Variants in GRID2 observed in about 807,000 individuals in gnomAD.
GRID2 encodes glutamate receptor ionotropic, delta-2.
A neutral mutation model predicts 114.8 loss-of-function variants in GRID2; 33 were observed. The observed-to-expected ratio is 0.29, with a 90% CI of 0.22 to 0.38. The LOEUF (loss-of-function observed/expected upper bound fraction) is 0.38. Ranked by LOEUF, GRID2 falls within the 10% of genes least tolerant of loss-of-function variation. The pLI, the probability that GRID2 is intolerant of heterozygous loss-of-function variation, is 1.00. For missense variants in GRID2, 1,184 were observed against 1,257.7 expected, an observed-to-expected ratio of 0.94 and a Z score of 0.89; for synonymous variants, 505 against 449.9, an observed-to-expected ratio of 1.12 and a Z score of -1.55.
chr4:93,125,346 T>A (rs1347453456), intron 4 of GRID2, among the ~76,000 whole-genome samples: 1 of 151,946 alleles, frequency 6.6e-6, no homozygotes, highest in Non-Finnish European at 1.5e-5. Context: ...TGTAGAAGTT[T>A]TGAAAAAGCA....
chr4:93,207,550 A>G, intron 5 of GRID2, 93 bp downstream of exon 5: 1 of 765,676 alleles, frequency 1.3e-6, no homozygotes, highest in East Asian at 2.6e-5. Flanking sequence ...TTAAGCGGAA[A>G]CAAAACTTGA....
At chr4:93,572,063 C>A (rs1458121210) in intron 13 of GRID2, among the ~76,000 whole-genome samples, 1 of 152,136 alleles carries the variant, frequency 6.6e-6, no homozygotes, top group Non-Finnish European at 1.5e-5. Context: ...TGGCCTTCCT[C>A]TGAGGTAAAA....
chr4:93,406,909 C>T (rs1041185961), intron 9 of GRID2, among the ~76,000 whole-genome samples: 7 of 151,926 alleles, frequency 4.6e-5, no homozygotes, highest in Non-Finnish European at 8.8e-5. Flanking sequence ...GGGTAAACGA[C>T]GAAAAAACGT....
At chr4:93,194,629 G>A (rs1741302357) in intron 4 of GRID2, among the ~76,000 whole-genome samples, 1 of 152,114 alleles carries the variant, frequency 6.6e-6, no homozygotes. Context: ...AACAACTCCA[G>A]TACCTAGCAA....
intron 7 of GRID2, among the ~76,000 whole-genome samples, chr4:93,231,714 G>T (rs1362516196): frequency 3.3e-5 from 5 of 152,116 alleles, no homozygotes; most frequent in Non-Finnish European, 5.9e-5. Flanking sequence ...CAAATATGAA[G>T]GGTTATCTAC....
chr4:93,237,605 A>G (rs551202724), intron 7 of GRID2, among the ~76,000 whole-genome samples: 1 of 151,930 alleles, frequency 6.6e-6, no homozygotes, highest in Non-Finnish European at 1.5e-5. Context: ...GAAGTGACTC[A>G]GAGTGCGATT....
chr4:93,354,865 G>A (rs1467059630), intron 8 of GRID2, among the ~76,000 whole-genome samples: 2 of 146,688 alleles, frequency 1.4e-5, no homozygotes, highest in Non-Finnish European at 3.0e-5. Context: ...GGCCTGTAAA[G>A]TGACCCTAGA....
At chr4:93,788,396 A>G (rs1301861055) in intron 1 of GRID2, among the ~76,000 whole-genome samples, 1 of 152,176 alleles carries the variant, frequency 6.6e-6, no homozygotes, top group African/African-American at 2.4e-5. Flanking sequence ...AGCAGATAAT[A>G]AGAGTTTCAG....
Position 93,087,242 on chromosome 4 carries a change from G to A in GRID2, c.529+1963G>A, listed in dbSNP as rs370511572. Reference sequence around the variant, plus strand: ...TTTTTAGTAGAGATGGGGTTTCAACGTGTTAGCCAGGATGGTCTCGATCTC... The same window carrying A: ...TTTTTAGTAGAGATGGGGTTTCAACATGTTAGCCAGGATGGTCTCGATCTC... On this transcript the variant is annotated intron_variant, in intron 3 of 15. Coordinates refer to ENST00000282020, the MANE Select transcript of GRID2 (RefSeq NM_001510.4). 5.3e-5 allele frequency among the ~76,000 whole-genome samples: 8 copies of A among 151,378 alleles called. No homozygotes were observed. In the East Asian group the frequency reaches 5.8e-4, roughly 11 times the overall value.
intron 14 of GRID2, among the ~76,000 whole-genome samples, chr4:93,691,327 G>A (rs565847334): frequency 6.6e-6 from 1 of 152,022 alleles, no homozygotes; most frequent in South Asian, 2.1e-4. Flanking sequence ...TATTCAAAGC[G>A]TTTTATGGAT....
chr4:93,538,443 A>G (rs1732321868), intron 13 of GRID2, among the ~76,000 whole-genome samples: 1 of 151,828 alleles, frequency 6.6e-6, no homozygotes, highest in African/African-American at 2.4e-5. Flanking sequence ...TCTTACAGAG[A>G]ATTTTAAATA....
intron 1 of GRID2, among the ~76,000 whole-genome samples, chr4:92,333,661 G>A (rs897623146): frequency 1.2e-4 from 18 of 151,892 alleles, no homozygotes; most frequent in Admixed American, 2.6e-4. Flanking sequence ...TACTATACAT[G>A]GTTAAAACTA....
At chr4:93,392,148 C>G (rs2149325061) in intron 8 of GRID2, among the ~76,000 whole-genome samples, 1 of 152,160 alleles carries the variant, frequency 6.6e-6, no homozygotes, top group South Asian at 2.1e-4. Flanking sequence ...CAAGGGCCAT[C>G]TTTATTGTTT....
rs1748802138 is a variant in GRID2, at chr4:93,250,713, T to C, written c.1245+12223T>C. Among the ~76,000 whole-genome samples the C allele has an allele frequency of 2.0e-5, 3 of 147,272 alleles. No homozygotes were observed. The Admixed American group carries it at 2.0e-4, about 10-fold the overall frequency. On this transcript the variant is annotated intron_variant, in intron 8 of 15. Transcript: ENST00000282020. ...TATATAAAATGTGCATGCGTATATA[T>C]GTTTACATGTATATGTGCATATATA...
rs185794922 is a variant in GRID2 at position 92,643,592 on chromosome 4, A to T, written c.244+53306A>T. Among the ~76,000 whole-genome samples, 382 of 151,892 alleles carry T rather than the reference A, an allele frequency of 2.5e-3. 4 individuals carry two copies. The highest frequency in any genetic ancestry group is 8.7e-3 in the African/African-American group (363 of 41,512). Reference sequence around the variant, plus strand: ...ACGCAATCTCATTTACAATAGCTACAAAAAAATGAAATATCTATGAATACA... The same window carrying T: ...ACGCAATCTCATTTACAATAGCTACTAAAAAATGAAATATCTATGAATACA... On this transcript the variant is annotated intron_variant, in intron 2 of 15. Transcript: ENST00000282020.
chr4:92,449,817 G>A (rs1488896998), intron 1 of GRID2, among the ~76,000 whole-genome samples: 1 of 150,932 alleles, frequency 6.6e-6, no homozygotes, highest in African/African-American at 2.4e-5. Context: ...TGGCTTTAGA[G>A]CACCAGAGGT....
chr4:93,791,820 C>CT (rs1191805081), intron 1 of GRID2, among the ~76,000 whole-genome samples: 3 of 147,664 alleles, frequency 2.0e-5, no homozygotes, highest in African/African-American at 7.9e-5. Context: ...GAGAGTTTAG[C>CT]TTTAAATTCT....
intron 8 of GRID2, among the ~76,000 whole-genome samples, chr4:93,383,819 CA>C (rs1764082411): frequency 6.6e-6 from 1 of 151,976 alleles, no homozygotes; most frequent in Non-Finnish European, 1.5e-5. Context: ...GATTGGCTTC[CA>C]AAAATGAGAA....
At chr4:92,315,266 G>A (rs888037892) in intron 1 of GRID2, among the ~76,000 whole-genome samples, 9 of 152,234 alleles carry the variant, frequency 5.9e-5, no homozygotes, top group African/African-American at 2.2e-4. Flanking sequence ...GAAACAATGT[G>A]ATATGGATGT....
Sources: gnomAD v4.1 joint callset for allele counts (sites outside exome capture counted in the v4.1 genomes callset) on GRCh38, gnomAD v4.1.1 for gene constraint, MANE v1.5 for transcripts, NCBI Gene and HGNC (gene_info 2026-07-23, HGNC 2026-07-21) for gene names.